GLIS3: variants seen among roughly 807,000 people sequenced by gnomAD.
GLIS3 encodes GLIS family zinc finger 3.
A neutral mutation model predicts 78.6 loss-of-function variants in GLIS3; 53 were observed. The ratio of observed to expected loss-of-function variants is 0.67; its 90% confidence interval spans 0.54 to 0.85. The LOEUF (loss-of-function observed/expected upper bound fraction) is 0.85, where lower values mean the gene tolerates loss of function less well. Among genes scored for constraint, GLIS3 ranks in the 40% least tolerant of loss-of-function variants. The pLI, the probability that GLIS3 is intolerant of heterozygous loss-of-function variation, is 0.00. For missense variants in GLIS3, 1,703 were observed against 1,231.1 expected (o/e 1.38, Z -5.74); for synonymous variants, 684 against 509.9 (o/e 1.34, Z -4.60).
chr9:4,067,226 TTAAAG>T (rs931139909), intron 4 of GLIS3, among the ~76,000 whole-genome samples: 1 of 151,356 alleles, frequency 6.6e-6, no homozygotes, highest in Non-Finnish European at 1.5e-5. Flanking sequence ...TTATATTACT[TTAAAG>T]TATAATAGAA....
chr9:4,399,967 AG>A, the GLIS3 span, among the ~76,000 whole-genome samples: 1 of 152,142 alleles, frequency 6.6e-6, no homozygotes, highest in Non-Finnish European at 1.5e-5. Flanking sequence ...CAGAAATAGG[AG>A]GTGGGAGTGG....
intron 4 of GLIS3, among the ~76,000 whole-genome samples, chr9:3,967,765 T>G (rs974482280): frequency 6.6e-6 from 1 of 152,162 alleles, no homozygotes; most frequent in African/African-American, 2.4e-5. Flanking sequence ...GATAATATGA[T>G]CCCATTTTCT....
Position 4,241,104 on chromosome 9 carries a change from G to A in GLIS3, c.388+44934C>T, listed in dbSNP as rs116702866. Among the ~76,000 whole-genome samples the A allele has an allele frequency of 1.5e-3, 235 of 152,212 alleles. 2 individuals carry two copies. Among genetic ancestry groups the A allele is most frequent in the African/African-American group, 5.2e-3 (216 of 41,520 alleles). Reference sequence around the variant, plus strand: ...CTGGACAAACCACCTTTATGATTATGACCTTACCAGAAAAACAAGGAAACC... The same window carrying A: ...CTGGACAAACCACCTTTATGATTATAACCTTACCAGAAAAACAAGGAAACC... On this transcript the variant is annotated intron_variant, in intron 2 of 10. Coordinates refer to ENST00000381971, the MANE Select transcript of GLIS3 (RefSeq NM_001042413.2).
intron 2 of GLIS3, among the ~76,000 whole-genome samples, chr9:4,234,514 C>T (rs1822542877): frequency 6.6e-6 from 1 of 152,168 alleles, no homozygotes; most frequent in Middle Eastern, 3.4e-3. Context: ...TTCATGACAC[C>T]CTAAAACAAT....
chr9:4,156,056 G>A (rs373424005), intron 2 of GLIS3, among the ~76,000 whole-genome samples: 1 of 151,848 alleles, frequency 6.6e-6, no homozygotes, highest in South Asian at 2.1e-4. Context: ...CCAGTTTCAG[G>A]TGGAGAAGTA....
chr9:3,996,427 C>G (rs1820748755), intron 4 of GLIS3, among the ~76,000 whole-genome samples: 1 of 152,128 alleles, frequency 6.6e-6, no homozygotes, highest in Non-Finnish European at 1.5e-5. Context: ...GATGGGGTGA[C>G]ATTCTGGTGT....
chr9:4,375,624 G>C, the GLIS3 span, among the ~76,000 whole-genome samples: 1 of 152,176 alleles, frequency 6.6e-6, no homozygotes, highest in Non-Finnish European at 1.5e-5. Context: ...CAACTAAGTA[G>C]AACTACACGT....
At chr9:4,216,514 GA>G (rs556091043) in intron 2 of GLIS3, among the ~76,000 whole-genome samples, 8,059 of 136,184 alleles carry the variant, frequency 0.059, 257 homozygotes, top group Non-Finnish European at 0.088. Context: ...AAAAGAAAAA[GA>G]AAAAAAAAAA....
intron 2 of GLIS3, among the ~76,000 whole-genome samples, chr9:4,346,329 T>C (rs916737994): frequency 6.6e-6 from 1 of 152,168 alleles, no homozygotes; most frequent in Non-Finnish European, 1.5e-5. Context: ...GGGGATACAA[T>C]ACATACAAAG....
intron 6 of GLIS3, among the ~76,000 whole-genome samples, chr9:3,907,180 G>A (rs1316805890): frequency 6.6e-6 from 1 of 152,214 alleles, no homozygotes; most frequent in African/African-American, 2.4e-5. Context: ...TTTGTTTCTT[G>A]TTATAAATTT....
chr9:4,010,408 T>C (rs1821907034), intron 4 of GLIS3, among the ~76,000 whole-genome samples: 1 of 152,162 alleles, frequency 6.6e-6, no homozygotes, highest in Non-Finnish European at 1.5e-5. Context: ...GGCCCAGAGT[T>C]AGCATTCCTC....
At chr9:4,017,083 A>C (rs1040248538) in intron 4 of GLIS3, among the ~76,000 whole-genome samples, 13 of 152,288 alleles carry the variant, frequency 8.5e-5, no homozygotes, top group African/African-American at 3.1e-4. Context: ...TATTCTCTGC[A>C]AACCTTTCTC....
chr9:4,163,246 A>G (rs551192925), intron 2 of GLIS3, among the ~76,000 whole-genome samples: 1 of 28,578 alleles, frequency 3.5e-5, no homozygotes, highest in African/African-American at 9.0e-5. Context: ...GTGCACTGGC[A>G]CACACACACA....
upstream of GLIS3, among the ~76,000 whole-genome samples, chr9:4,303,841 CAT>C (rs540644105): frequency 3.3e-5 from 5 of 152,186 alleles, no homozygotes; most frequent in South Asian, 8.3e-4. Context: ...CCATAACAAA[CAT>C]AAATTCATAG....
chr9:3,976,436 C>A (rs1818795674), intron 4 of GLIS3, among the ~76,000 whole-genome samples: 1 of 151,912 alleles, frequency 6.6e-6, no homozygotes, highest in Admixed American at 6.6e-5. Flanking sequence ...ACTGGAATGA[C>A]AAGAAAGCGA....
chr9:4,233,381 G>A (rs892587421), intron 2 of GLIS3, among the ~76,000 whole-genome samples: 2 of 152,226 alleles, frequency 1.3e-5, no homozygotes, highest in East Asian at 3.8e-4. Flanking sequence ...GGCTGCAGAA[G>A]GGATGTTGTG....
the GLIS3 span, among the ~76,000 whole-genome samples, chr9:4,450,182 C>T: frequency 2.6e-5 from 4 of 152,004 alleles, no homozygotes; most frequent in Non-Finnish European, 2.9e-5. Context: ...AATCACGACA[C>T]GAGAACTATG....
the GLIS3 span, among the ~76,000 whole-genome samples, chr9:4,414,964 G>C: frequency 2.0e-5 from 3 of 151,844 alleles, no homozygotes; most frequent in African/African-American, 4.8e-5. Flanking sequence ...ATCCCCACTT[G>C]TTCTTGTATT....
intron 2 of GLIS3, among the ~76,000 whole-genome samples, chr9:4,217,045 T>C (rs1364476750): frequency 2.6e-5 from 4 of 152,224 alleles, no homozygotes; most frequent in Admixed American, 6.5e-5. Context: ...CCAAGAGTCA[T>C]GGTTCCAAAG....
Sources: allele counts gnomAD v4.1 joint callset (sites outside exome capture counted in the v4.1 genomes callset), GRCh38; gene constraint gnomAD v4.1.1; transcripts MANE v1.5; gene names NCBI Gene and HGNC (gene_info 2026-07-23, HGNC 2026-07-21).